CCDC171: variants seen among roughly 807,000 people sequenced by gnomAD.
The protein encoded by CCDC171 is coiled-coil domain containing 171.
Under a neutral mutation model 168.2 loss-of-function variants are expected in CCDC171, and 177 were observed. The ratio of observed to expected loss-of-function variants is 1.05; its 90% CI spans 0.93 to 1.19. The LOEUF (loss-of-function observed/expected upper bound fraction) is 1.19, where lower values mean the gene tolerates loss of function less well. Ranked by LOEUF, CCDC171 falls within the 50% of genes most tolerant of loss-of-function variation. CCDC171 has a pLI of 0.00. For missense variants in CCDC171, 1,991 were observed against 1,539.0 expected, an observed-to-expected ratio of 1.29 and a Z score of -4.91; for synonymous variants, 687 against 540.8, an observed-to-expected ratio of 1.27 and a Z score of -3.75.
intron 24 of CCDC171, among the ~76,000 whole-genome samples, chr9:15,895,160 A>G (rs1209479864): frequency 6.6e-6 from 1 of 152,164 alleles, no homozygotes; most frequent in African/African-American, 2.4e-5. Context: ...TATATCTAAA[A>G]TATTGCTAAA....
intron 25 of CCDC171, among the ~76,000 whole-genome samples, chr9:15,963,741 C>G (rs1296363442): frequency 6.6e-6 from 1 of 152,178 alleles, no homozygotes; most frequent in Non-Finnish European, 1.5e-5. Flanking sequence ...GACATCTAAT[C>G]TGTACATGAG....
At chr9:15,599,193 A>T (rs201119075) in intron 6 of CCDC171, among the ~76,000 whole-genome samples, 1 of 152,086 alleles carries the variant, frequency 6.6e-6, no homozygotes, top group Admixed American at 6.6e-5. Flanking sequence ...CTGTCATTAT[A>T]ATATTAGCTG....
chr9:15,824,331 A>G (rs1266751869), intron 21 of CCDC171, among the ~76,000 whole-genome samples: 1 of 152,096 alleles, frequency 6.6e-6, no homozygotes, highest in South Asian at 2.1e-4. Context: ...ATACATTTAC[A>G]TATGTATTAA....
chr9:15,655,175 A>C (rs1427909101), intron 7 of CCDC171, among the ~76,000 whole-genome samples: 1 of 28,238 alleles, frequency 3.5e-5, no homozygotes, highest in Non-Finnish European at 8.5e-5. Flanking sequence ...TCAAACTTAA[A>C]GTATAAAAAA....
At chr9:15,630,973 C>A (rs1261549647) in intron 7 of CCDC171, among the ~76,000 whole-genome samples, 1 of 152,030 alleles carries the variant, frequency 6.6e-6, no homozygotes, top group African/African-American at 2.4e-5. Flanking sequence ...TTGAAACCAA[C>A]GAGAACAAAG....
intron 24 of CCDC171, among the ~76,000 whole-genome samples, chr9:15,908,173 A>G (rs1014102128): frequency 2.0e-5 from 3 of 152,022 alleles, no homozygotes; most frequent in Non-Finnish European, 2.9e-5. Context: ...CCAAAGGACT[A>G]TAAATCATGC....
At chr9:15,757,338 T>C (rs1252761467) in intron 18 of CCDC171, among the ~76,000 whole-genome samples, 2 of 152,208 alleles carry the variant, frequency 1.3e-5, no homozygotes, top group Non-Finnish European at 2.9e-5. Context: ...ACTCTTGTTA[T>C]GTTTTAGCAA....
intron 11 of CCDC171, among the ~76,000 whole-genome samples, chr9:15,698,278 T>C (rs1157699319): frequency 2.6e-5 from 4 of 152,090 alleles, no homozygotes; most frequent in Non-Finnish European, 5.9e-5. Context: ...TCCCAGCACT[T>C]TGGGAGGCCG....
At chr9:15,631,224 A>G (rs1414565398) in intron 7 of CCDC171, among the ~76,000 whole-genome samples, 2 of 152,146 alleles carry the variant, frequency 1.3e-5, no homozygotes, top group South Asian at 4.2e-4. Flanking sequence ...AAAATTAATG[A>G]ATCCAGAAGC....
At position 15,816,935 on chromosome 9, in the gene CCDC171, T is replaced by A. The variant is rs1372110366; in HGVS notation, c.3268-29767T>A. Among the ~76,000 whole-genome samples, 2 of 118,826 alleles carry A rather than the reference T, an allele frequency of 1.7e-5. 1 individual carries two copies. The highest frequency in any genetic ancestry group is 6.3e-5 in the African/African-American group (2 of 31,676). 78.0% of individuals were successfully genotyped at this position (118,826 alleles called of 152,430 possible). On this transcript the variant is annotated intron_variant, in intron 21 of 25. Transcript: ENST00000380701. ...AACATCTTGTAATTAGATCTTTGACTACATAGCTGATTATATTCTCAGGAT... is the reference window on the plus strand; with the variant it reads ...AACATCTTGTAATTAGATCTTTGACAACATAGCTGATTATATTCTCAGGAT...
intron 21 of CCDC171, among the ~76,000 whole-genome samples, chr9:15,824,501 C>T (rs1402099962): frequency 1.3e-5 from 2 of 152,020 alleles, no homozygotes; most frequent in Non-Finnish European, 1.5e-5. Context: ...TAGTGGTATG[C>T]TGCCCCCAGG....
chr9:15,706,517 A>C (rs558783799), intron 11 of CCDC171, among the ~76,000 whole-genome samples: 1 of 152,158 alleles, frequency 6.6e-6, no homozygotes, highest in Non-Finnish European at 1.5e-5. Context: ...CCAACTGCTG[A>C]GTTTAAGCAA....
chr9:15,681,847 A>G (rs1207509321), intron 10 of CCDC171, among the ~76,000 whole-genome samples: 1 of 151,762 alleles, frequency 6.6e-6, no homozygotes, highest in East Asian at 1.9e-4. Flanking sequence ...TATGAGGAAG[A>G]TTTTCCCTTT....
intron 3 of CCDC171, among the ~76,000 whole-genome samples, chr9:15,995,413 A>G (rs759008860): frequency 6.6e-6 from 1 of 152,232 alleles, no homozygotes; most frequent in African/African-American, 2.4e-5. Flanking sequence ...TAGCGTAATA[A>G]TGGACTGGTG....
At chr9:15,905,361 C>A (rs201960904) in intron 24 of CCDC171, among the ~76,000 whole-genome samples, 2 of 152,260 alleles carry the variant, frequency 1.3e-5, no homozygotes, top group East Asian at 3.9e-4. Flanking sequence ...ACTCGGGATT[C>A]AGAAGCTCAC....
At chr9:16,036,492 A>C (rs926209192) in intron 8 of CCDC171, among the ~76,000 whole-genome samples, 6 of 152,162 alleles carry the variant, frequency 3.9e-5, no homozygotes, top group Non-Finnish European at 7.3e-5. Context: ...AAAATACAAA[A>C]AATTAGCTGG....
chr9:16,054,701 C>T (rs1586866040), intron 1 of CCDC171, among the ~76,000 whole-genome samples: 2 of 152,286 alleles, frequency 1.3e-5, no homozygotes, highest in East Asian at 3.9e-4. Flanking sequence ...CTCCAGGGAG[C>T]TGTTTGATGG....
chr9:15,664,898 C>A (rs1183478785), intron 8 of CCDC171, among the ~76,000 whole-genome samples: 1 of 151,916 alleles, frequency 6.6e-6, no homozygotes, highest in Non-Finnish European at 1.5e-5. Flanking sequence ...GGGGTTTCTC[C>A]ATGTTGGTCA....
intron 7 of CCDC171, among the ~76,000 whole-genome samples, chr9:15,638,672 G>A (rs989190215): frequency 6.6e-6 from 1 of 151,456 alleles, no homozygotes; most frequent in Non-Finnish European, 1.5e-5. Flanking sequence ...TTATATATAT[G>A]AAACATAAAT....
Sources: allele counts gnomAD v4.1 joint callset (sites outside exome capture counted in the v4.1 genomes callset), GRCh38; gene constraint gnomAD v4.1.1; transcripts MANE v1.5; gene names NCBI Gene and HGNC (gene_info 2026-07-23, HGNC 2026-07-21).